Variants in KCNMA1 observed in about 807,000 individuals in gnomAD.
The protein encoded by KCNMA1 is potassium calcium-activated channel subfamily M alpha 1.
Under a neutral mutation model 140.0 loss-of-function variants are expected in KCNMA1, and 29 were observed. The observed-to-expected ratio is 0.21, with a 90% CI of 0.15 to 0.28. KCNMA1 has a LOEUF of 0.28. Ranked by LOEUF, KCNMA1 falls within the 10% of genes least tolerant of loss-of-function variation. The probability of loss-of-function intolerance (pLI) is 1.00; values close to 1 mark genes in which losing one functional copy is unlikely to be tolerated. For synonymous variants in KCNMA1, 612 were observed against 611.9 expected, an observed-to-expected ratio of 1.00 and a Z score of 0.00; for missense variants, 880 against 1,602.2, an observed-to-expected ratio of 0.55 and a Z score of 7.70.
At chr10:77,139,140 C>T (rs1040028425) in intron 5 of KCNMA1, among the ~76,000 whole-genome samples, 5 of 152,190 alleles carry the variant, frequency 3.3e-5, no homozygotes, top group Non-Finnish European at 5.9e-5. Flanking sequence ...TGCATTAATC[C>T]TTTCAAAGGA....
At chr10:77,398,442 A>G (rs2096143827) in intron 2 of KCNMA1, among the ~76,000 whole-genome samples, 1 of 152,200 alleles carries the variant, frequency 6.6e-6, no homozygotes. Context: ...CATGTCTCTG[A>G]AGACTAGAGA....
At chr10:77,212,643 TTCTC>T (rs1016158667) in intron 3 of KCNMA1, among the ~76,000 whole-genome samples, 4 of 152,094 alleles carry the variant, frequency 2.6e-5, no homozygotes, top group African/African-American at 9.7e-5. Context: ...ATTTGTTATA[TTCTC>T]TCTCTCTCCT....
chr10:77,056,470 C>T (rs190384339), intron 14 of KCNMA1, among the ~76,000 whole-genome samples: 252 of 151,928 alleles, frequency 1.7e-3, no homozygotes, highest in African/African-American at 5.8e-3. Flanking sequence ...AACATTCTTA[C>T]AAAATTTAAA....
intron 23 of KCNMA1, among the ~76,000 whole-genome samples, chr10:76,941,055 GAAAGAAAGAAAGAA>G (rs2061987284): frequency 2.9e-4 from 17 of 58,362 alleles, no homozygotes; most frequent in African/African-American, 8.0e-4. Flanking sequence ...GAAAGAAAGA[GAAAGAAAGAAAGAA>G]AAAGAAAGAA....
intron 19 of KCNMA1, among the ~76,000 whole-genome samples, chr10:76,982,314 A>G (rs2079762224): frequency 6.9e-6 from 1 of 143,934 alleles, no homozygotes; most frequent in Admixed American, 7.2e-5. Context: ...AGTCCTAGAG[A>G]GAGAATTGTT....
At position 77,089,137 on chromosome 10, in the gene KCNMA1, T is replaced by C. The variant is rs115985510; in HGVS notation, c.1334+1263A>G. On this transcript the variant is annotated intron_variant, in intron 10 of 27. Coordinates refer to ENST00000286628, the MANE Select transcript of KCNMA1 (RefSeq NM_001161352.2). ...GTGCTAACATAGCCTGGTCTGTTTT[T>C]TCAAAGTTTGGAGAAATCAGTGCAG... Among the ~76,000 whole-genome samples the C allele has an allele frequency of 4.4e-3, 674 of 152,292 alleles. 8 individuals are homozygous for C. The highest frequency in any genetic ancestry group is 0.016 in the African/African-American group (647 of 41,548).
intron 2 of KCNMA1, among the ~76,000 whole-genome samples, chr10:77,277,248 T>A (rs1336119894): frequency 1.3e-5 from 2 of 152,144 alleles, no homozygotes; most frequent in Admixed American, 6.5e-5. Flanking sequence ...CAGGCCAAAC[T>A]CTAATGAGAA....
At chr10:77,347,539 G>T (rs1376859933) in intron 2 of KCNMA1, among the ~76,000 whole-genome samples, 1 of 152,170 alleles carries the variant, frequency 6.6e-6, no homozygotes, top group Middle Eastern at 3.2e-3. Context: ...TGGCAGGCTT[G>T]CAGCCAGAGG....
intron 9 of KCNMA1, among the ~76,000 whole-genome samples, chr10:77,104,275 T>C (rs892944976): frequency 1.3e-5 from 2 of 152,228 alleles, no homozygotes; most frequent in African/African-American, 4.8e-5. Context: ...GTGGCACTCC[T>C]GTCTCTATAG....
chr10:77,044,410 T>C (rs2094919301), intron 14 of KCNMA1, among the ~76,000 whole-genome samples: 4 of 151,632 alleles, frequency 2.6e-5, no homozygotes, highest in Admixed American at 2.6e-4. Flanking sequence ...TCCCAGCACT[T>C]TGGAAGCTGA....
chr10:77,613,083 C>T (rs1214774219), intron 1 of KCNMA1, among the ~76,000 whole-genome samples: 1 of 152,186 alleles, frequency 6.6e-6, no homozygotes, highest in African/African-American at 2.4e-5. Context: ...GTGGCCCTCC[C>T]CAAAACCCCA....
intron 5 of KCNMA1, among the ~76,000 whole-genome samples, chr10:77,155,599 C>A (rs1002257722): frequency 3.3e-5 from 5 of 152,128 alleles, no homozygotes; most frequent in African/African-American, 1.2e-4. Flanking sequence ...ATGCTGCCCC[C>A]GAGATTTCAT....
At chr10:76,904,987 A>T (rs1290721476) in intron 25 of KCNMA1, 2 of 152,240 alleles carry the variant, frequency 1.3e-5, no homozygotes, top group Non-Finnish European at 1.5e-5. Flanking sequence ...GCAGCTGCTC[A>T]GCTCAAGCCA....
chr10:77,626,799 G>A (rs1210862926), intron 1 of KCNMA1, among the ~76,000 whole-genome samples: 2 of 152,162 alleles, frequency 1.3e-5, no homozygotes, highest in Non-Finnish European at 2.9e-5. Context: ...TTCCAAACGT[G>A]AACTCATTCT....
intron 5 of KCNMA1, chr10:77,148,250 C>A (rs1403629281): frequency 1.3e-5 from 2 of 152,148 alleles, no homozygotes; most frequent in South Asian, 2.1e-4. Context: ...ATTCAGAGAT[C>A]AAATCTATCC....
At position 77,180,758 on chromosome 10, in the gene KCNMA1, C is replaced by T. The variant is rs111451781; in HGVS notation, c.808+2663G>A. 1.2e-3 allele frequency among the ~76,000 whole-genome samples: 182 copies of T among 152,208 alleles called. 1 individual carries two copies. Among genetic ancestry groups the T allele is most frequent in the African/African-American group, 4.2e-3 (176 of 41,526 alleles). On this transcript the variant is annotated intron_variant, in intron 5 of 27. Transcript: ENST00000286628. ...ATAAATATTAATATACAAATGGAAG[C>T]ACATTTAGAGCACATTTCTTTTGGA... is the stretch of plus-strand genomic sequence containing the variant.
intron 5 of KCNMA1, among the ~76,000 whole-genome samples, chr10:77,157,238 A>C (rs1264104931): frequency 6.6e-6 from 1 of 152,120 alleles, no homozygotes; most frequent in Non-Finnish European, 1.5e-5. Flanking sequence ...TCAGGAATTC[A>C]AAACCATCCT....
chr10:77,017,170 A>C (rs1484930890), intron 17 of KCNMA1, among the ~76,000 whole-genome samples: 1 of 152,182 alleles, frequency 6.6e-6, no homozygotes, highest in African/African-American at 2.4e-5. Flanking sequence ...GATATTTGTG[A>C]CATTCATTAG....
At chr10:77,027,771 G>A (rs1262714249) in intron 16 of KCNMA1, 52 bp downstream of exon 16, 2 of 1,397,638 alleles carry the variant, frequency 1.4e-6, no homozygotes, top group East Asian at 2.3e-5. Context: ...TTCTCAGAAC[G>A]CACTCTCACC....
Sources: gnomAD v4.1 joint callset for allele counts (sites outside exome capture counted in the v4.1 genomes callset) on GRCh38, gnomAD v4.1.1 for gene constraint, MANE v1.5 for transcripts, NCBI Gene and HGNC (gene_info 2026-07-23, HGNC 2026-07-21) for gene names.